The following CCDC85C variants were observed in gnomAD, a reference collection of about 807,000 sequenced individuals.
CCDC85C encodes coiled-coil domain containing 85C, also known as coiled-coil domain-containing protein 85C.
A neutral mutation model predicts 38.3 loss-of-function variants in CCDC85C; 18 were observed. The observed-to-expected ratio is 0.47, with a 90% CI of 0.33 to 0.70. CCDC85C has a LOEUF of 0.70. Among genes scored for constraint, CCDC85C ranks in the 30% least tolerant of loss-of-function variants. The pLI is 0.03. For synonymous variants in CCDC85C, 264 were observed against 293.8 expected, an observed-to-expected ratio of 0.90 and a Z score of 1.04; for missense variants, 566 against 621.2, an observed-to-expected ratio of 0.91 and a Z score of 0.94.
In CCDC85C at chr14:99,507,114, C is replaced by T. The variant is rs1301552792; in HGVS notation, c.*8132G>A. On this transcript the variant is annotated 3_prime_UTR_variant, in exon 6 of 6. Transcript: ENST00000380243. ...TAAAATCCCCAAAATTGAGACCACT[C>T]ATCCACCGTTGCCTCCAGCCCACCC... The T allele has an allele frequency of 2.5e-6, 4 of 1,612,566 alleles. No individual in the cohort carries two copies. Among genetic ancestry groups the T allele is most frequent in the African/African-American group, 1.3e-5 (1 of 75,018 alleles).
rs545948404 is a variant in CCDC85C at position 99,579,366 on chromosome 14, G to A, written c.793+23801C>T. ...CGGTGGAGGAAGAGAAGTGGGGGAG[G>A]GGGGCAGGGAGGCCCAGTGTGACTC... On this transcript the variant is annotated intron_variant, in intron 1 of 5. Coordinates refer to ENST00000380243, the MANE Select transcript of CCDC85C (RefSeq NM_001144995.2). Among the ~76,000 whole-genome samples the A allele has an allele frequency of 2.6e-5, 4 of 152,360 alleles. No individual in the cohort carries two copies. In the South Asian group the frequency reaches 6.2e-4, roughly 24 times the overall value.
chr14:99,597,185 C>T (rs2055152181), intron 1 of CCDC85C, among the ~76,000 whole-genome samples: 1 of 152,144 alleles, frequency 6.6e-6, no homozygotes, highest in African/African-American at 2.4e-5. Flanking sequence ...AGAACCACCA[C>T]CCCCCAAGCC....
chr14:99,603,439 G>C lies in CCDC85C; in HGVS notation c.521C>G (p.Ala174Gly). The change falls in exon 1 of 6, where the codon GCC becomes GGC. Residue 174 changes from alanine to glycine, a missense_variant. Transcript: ENST00000380243. This position sits in a 1 kb window ranked among gnomAD's most constrained non-coding sequence, Gnocchi z 7.5. The stretch of plus-strand genomic sequence containing the variant: ...GCTGTCGATGGAGCTGCGGGAGCCG[G>C]CGCCGCCCCCGCCGCCGCCGCCACC... ...ASGGGGGGGG[A>G]GSRSSIDSQA... The C allele has an allele frequency of 1.6e-6, 2 of 1,269,268 alleles. No individual in the cohort carries two copies. The highest frequency in any genetic ancestry group is 4.0e-5 in the Admixed American group (1 of 25,048). The allele number at this position is 1,269,268 out of a possible 1,614,324, so 78.6% of individuals were successfully genotyped here. A position where few individuals can be genotyped will look rare whatever the true frequency, so the allele number is the denominator to read the frequency against.
chr14:99,567,023 T>C (rs952806740), intron 1 of CCDC85C, among the ~76,000 whole-genome samples: 1 of 152,092 alleles, frequency 6.6e-6, no homozygotes, highest in Non-Finnish European at 1.5e-5. Flanking sequence ...CCTCTGCCCT[T>C]TCAAAGCCAA....
chr14:99,599,010 G>A (rs1021188705), intron 1 of CCDC85C, among the ~76,000 whole-genome samples: 1 of 152,158 alleles, frequency 6.6e-6, no homozygotes, highest in Non-Finnish European at 1.5e-5. Context: ...GAAGGAGGGG[G>A]AAAGGCTTAT....
chr14:99,506,876 T>TG lies in CCDC85C; in HGVS notation c.*8369_*8370insC. 1 of 553,324 alleles carries TG rather than the reference T, an allele frequency of 1.8e-6. No individual in the cohort carries two copies. The highest frequency in any genetic ancestry group is 3.0e-5 in the Admixed American group (1 of 33,414). 34.3% of individuals were successfully genotyped at this position (553,324 alleles called of 1,614,324 possible). On this transcript the variant is annotated 3_prime_UTR_variant, in exon 6 of 6. Transcript: ENST00000380243. ...TGCCTGTGGGAAGCTCGCAGGTCTTTTGGAGGGAGGTGGCATTTAATTTGT... is the reference window on the plus strand; with the variant it reads ...TGCCTGTGGGAAGCTCGCAGGTCTTTGTGGAGGGAGGTGGCATTTAATTTGT...
chr14:99,592,347 C>T (rs1398528431), intron 1 of CCDC85C, among the ~76,000 whole-genome samples: 2 of 152,084 alleles, frequency 1.3e-5, no homozygotes, highest in African/African-American at 4.8e-5. Flanking sequence ...GGGACCCAAA[C>T]CCAGAAGACA....
At chr14:99,590,807 C>T (rs969476135) in intron 1 of CCDC85C, among the ~76,000 whole-genome samples, 1 of 152,188 alleles carries the variant, frequency 6.6e-6, no homozygotes, top group Non-Finnish European at 1.5e-5. Flanking sequence ...ACTGATGCCA[C>T]CCTGATGCCC....
intron 1 of CCDC85C, among the ~76,000 whole-genome samples, chr14:99,536,411 T>G (rs1897601357): frequency 6.6e-6 from 1 of 152,114 alleles, no homozygotes; most frequent in Non-Finnish European, 1.5e-5. Context: ...GTGGGGGGTG[T>G]GGGGGTGGCC....
Position 99,603,741 on chromosome 14 carries a change from C to T in CCDC85C, c.219G>A (p.Val73=). ...GGTTGTCGTCCTGCAGCCGCTGGTT[C>T]ACGTCCTTGAGGCCGCGGATCTCCA... ...HLLEIRGLKD[V]NQRLQDDNQE... The change falls in exon 1 of 6, where the codon GTG becomes GTA. Residue 73 remains valine (V), a synonymous_variant. Transcript: ENST00000380243. The surrounding 1 kb of genome is among the most constrained non-coding windows in gnomAD (Gnocchi z 7.5). The T allele has an allele frequency of 6.6e-7, 1 of 1,523,244 alleles. No homozygotes were observed. The highest frequency in any genetic ancestry group is 8.8e-7 in the Non-Finnish European group (1 of 1,141,242). The allele number at this position is 1,523,244 out of a possible 1,614,324, so 94.4% of individuals were successfully genotyped here.
intron 2 of CCDC85C, among the ~76,000 whole-genome samples, chr14:99,527,073 C>T (rs541442524): frequency 6.6e-6 from 1 of 152,332 alleles, no homozygotes; most frequent in East Asian, 1.9e-4. Context: ...ACAGAGGCCT[C>T]CACAGAAGAC....
chr14:99,597,573 C>T (rs2144802), intron 1 of CCDC85C, among the ~76,000 whole-genome samples: 149,196 of 152,254 alleles, frequency 0.98, 73,163 homozygotes, highest in Middle Eastern at 1. Flanking sequence ...GCCACTCTTG[C>T]TTGTGGGCAC....
chr14:99,596,135 G>C (rs572615924), intron 1 of CCDC85C, among the ~76,000 whole-genome samples: 3 of 152,348 alleles, frequency 2.0e-5, no homozygotes, highest in African/African-American at 7.2e-5. Context: ...AGTTTGCTCA[G>C]GGGTTTCCGG....
At chr14:99,563,660 G>A (rs1898160809) in intron 1 of CCDC85C, among the ~76,000 whole-genome samples, 1 of 152,244 alleles carries the variant, frequency 6.6e-6, no homozygotes, top group Non-Finnish European at 1.5e-5. Context: ...CCACGAGGCG[G>A]GCAGAAGGCA....
chr14:99,543,525 C>T (rs1236638985), intron 1 of CCDC85C, among the ~76,000 whole-genome samples: 1 of 152,074 alleles, frequency 6.6e-6, no homozygotes, highest in Non-Finnish European at 1.5e-5. Flanking sequence ...GGTGTGCTGA[C>T]CAGGAGAAAT....
chr14:99,565,955 C>T (rs1429906394), intron 1 of CCDC85C, among the ~76,000 whole-genome samples: 1 of 152,244 alleles, frequency 6.6e-6, no homozygotes, highest in East Asian at 1.9e-4. Flanking sequence ...CGCCCGTCTG[C>T]TCCAGCCCCG....
chr14:99,510,888 T>C lies in CCDC85C; in HGVS notation c.*4358A>G. The C allele has an allele frequency of 2.0e-6, 2 of 983,192 alleles. No homozygotes were observed. Among genetic ancestry groups the C allele is most frequent in the Non-Finnish European group, 2.7e-6 (2 of 739,918 alleles). 60.9% of individuals were successfully genotyped at this position (983,192 alleles called of 1,614,324 possible). ...GGGTACCTTGTATAATGCACGACAG[T>C]TGCAGTATGGGAAGAATGGACCGGG... On this transcript the variant is annotated 3_prime_UTR_variant, in exon 6 of 6. Transcript: ENST00000380243.
intron 1 of CCDC85C, among the ~76,000 whole-genome samples, chr14:99,578,246 TTG>T (rs373278208): frequency 4.1e-5 from 4 of 96,836 alleles, no homozygotes; most frequent in African/African-American, 1.8e-4. Flanking sequence ...ATCGGTGTGT[TTG>T]TGTGTGTGTG....
chr14:99,592,888 G>C (rs2055102398), intron 1 of CCDC85C, among the ~76,000 whole-genome samples: 1 of 152,248 alleles, frequency 6.6e-6, no homozygotes, highest in Admixed American at 6.5e-5. Context: ...AAAGGCGAGG[G>C]GGAGAAGAGG....
Sources: gnomAD v4.1 joint callset for allele counts (sites outside exome capture counted in the v4.1 genomes callset) on GRCh38, gnomAD v4.1.1 for gene constraint, Gnocchi (gnomAD v3.1) non-coding constraint, MANE v1.5 for transcripts, NCBI Gene and HGNC (gene_info 2026-07-23, HGNC 2026-07-21) for gene names.